The following KCNN2 variants were observed in gnomAD, a reference collection of about 807,000 sequenced individuals.
The protein encoded by KCNN2 is potassium calcium-activated channel subfamily N member 2.
Under a neutral mutation model 55.5 loss-of-function variants are expected in KCNN2, and 24 were observed. That is an observed-to-expected ratio of 0.43 (90% CI 0.31 to 0.61). KCNN2 has a LOEUF of 0.61. Ranked by LOEUF, KCNN2 falls within the 20% of genes least tolerant of loss-of-function variation. The probability of loss-of-function intolerance (pLI) is 0.08; values close to 1 mark genes in which losing one functional copy is unlikely to be tolerated. For synonymous variants in KCNN2, 431 were observed against 336.1 expected (o/e 1.28, Z -3.09); for missense variants, 754 against 853.6 (o/e 0.88, Z 1.45).
intron 2 of KCNN2, among the ~76,000 whole-genome samples, chr5:114,379,117 C>T (rs1367582615): frequency 1.3e-5 from 2 of 151,980 alleles, no homozygotes; most frequent in African/African-American, 4.8e-5. Flanking sequence ...CCTCTTAGAC[C>T]TCCTAGTGCT....
intron 1 of KCNN2, among the ~76,000 whole-genome samples, chr5:114,184,886 C>T (rs1226423691): frequency 6.6e-6 from 1 of 152,134 alleles, no homozygotes; most frequent in Non-Finnish European, 1.5e-5. Context: ...CAAATTTATT[C>T]TGTTTTTGTA....
At chr5:114,456,944 C>T (rs1357734115) in intron 3 of KCNN2, among the ~76,000 whole-genome samples, 5 of 152,158 alleles carry the variant, frequency 3.3e-5, no homozygotes, top group African/African-American at 1.2e-4. Context: ...GAGATGGAAT[C>T]TACTCCTGGA....
chr5:114,358,054 T>C (rs1438475762), upstream of KCNN2, among the ~76,000 whole-genome samples: 2 of 151,706 alleles, frequency 1.3e-5, no homozygotes, highest in Non-Finnish European at 2.9e-5. Flanking sequence ...TGGCCAGTGA[T>C]GATGAGCATT....
intron 2 of KCNN2, among the ~76,000 whole-genome samples, chr5:114,307,034 T>C (rs1433838385): frequency 6.6e-6 from 1 of 152,236 alleles, no homozygotes; most frequent in Non-Finnish European, 1.5e-5. Flanking sequence ...GATCATGTTT[T>C]GGTTCCCCTA....
At chr5:114,123,068 G>A (rs980748292) in intron 1 of KCNN2, among the ~76,000 whole-genome samples, 3 of 152,078 alleles carry the variant, frequency 2.0e-5, no homozygotes, top group Non-Finnish European at 2.9e-5. Context: ...ATATAAGGAC[G>A]GTAGAAAATG....
At chr5:114,443,196 C>T (rs1760281671) in intron 3 of KCNN2, among the ~76,000 whole-genome samples, 1 of 151,304 alleles carries the variant, frequency 6.6e-6, no homozygotes. Context: ...GAGGCTGAGG[C>T]AGAAGAATTG....
chr5:114,243,712 T>C (rs1252472862), intron 2 of KCNN2, among the ~76,000 whole-genome samples: 3 of 152,234 alleles, frequency 2.0e-5, no homozygotes, highest in South Asian at 2.1e-4. Context: ...ATCATAGGTA[T>C]GTATAGGAAA....
intron 2 of KCNN2, among the ~76,000 whole-genome samples, chr5:114,388,994 C>T (rs1488346033): frequency 6.6e-6 from 1 of 151,954 alleles, no homozygotes; most frequent in Non-Finnish European, 1.5e-5. Context: ...CAGTGATGTT[C>T]TCTGGTAATT....
rs578006791 is a variant in KCNN2, at chr5:114,265,933, G to T, written c.-185+44368G>T. On this transcript the variant is annotated intron_variant, in intron 2 of 10. Coordinates refer to the KCNN2 transcript ENST00000512097. ...TGGAGAGATTGGAGAAGACAGGGCT[G>T]ATCTCACCATCAATAGCCTCTAGAG... Among the ~76,000 whole-genome samples the T allele has an allele frequency of 2.9e-3, 443 of 152,224 alleles. 3 individuals carry two copies. Among genetic ancestry groups the T allele is most frequent in the Non-Finnish European group, 1.6e-3 (108 of 68,004 alleles).
intron 2 of KCNN2, among the ~76,000 whole-genome samples, chr5:114,345,449 A>G (rs1349521277): frequency 1.3e-5 from 2 of 152,222 alleles, no homozygotes; most frequent in Non-Finnish European, 2.9e-5. Context: ...TCATTGCACT[A>G]TTTCACAAAC....
chr5:114,193,947 A>C (rs1265747378), intron 1 of KCNN2, among the ~76,000 whole-genome samples: 1 of 152,168 alleles, frequency 6.6e-6, no homozygotes, highest in Non-Finnish European at 1.5e-5. Flanking sequence ...AATTATATCC[A>C]TAAGATTGTG....
At chr5:114,249,381 G>C (rs973404372) in intron 2 of KCNN2, among the ~76,000 whole-genome samples, 10 of 151,120 alleles carry the variant, frequency 6.6e-5, no homozygotes, top group African/African-American at 2.2e-4. Context: ...TCCACCTCTC[G>C]GGTTCAAGCC....
chr5:114,271,637 T>G (rs183288528), intron 2 of KCNN2, among the ~76,000 whole-genome samples: 2 of 152,320 alleles, frequency 1.3e-5, no homozygotes, highest in Admixed American at 1.3e-4. Context: ...TGTTTATGCT[T>G]TCTTCTTTTC....
At chr5:114,488,954 T>TCC (rs1561416721) in intron 6 of KCNN2, 3 of 152,130 alleles carry the variant, frequency 2.0e-5, no homozygotes, top group African/African-American at 7.2e-5. Flanking sequence ...AGTGAGCAAG[T>TCC]GTGGTCGGTC....
intron 1 of KCNN2, among the ~76,000 whole-genome samples, chr5:114,101,216 T>C (rs1374221611): frequency 6.6e-6 from 1 of 151,892 alleles, no homozygotes; most frequent in Non-Finnish European, 1.5e-5. Context: ...TGAGTAGTCA[T>C]AGAATTTTAG....
At chr5:114,263,258 G>T (rs563597131) in intron 2 of KCNN2, among the ~76,000 whole-genome samples, 3 of 152,268 alleles carry the variant, frequency 2.0e-5, no homozygotes, top group South Asian at 4.1e-4. Flanking sequence ...TCACCATCTC[G>T]TCTCAAGAAA....
intron 3 of KCNN2, among the ~76,000 whole-genome samples, chr5:114,431,421 A>G (rs1328188658): frequency 2.0e-5 from 3 of 152,008 alleles, no homozygotes; most frequent in East Asian, 3.9e-4. Context: ...ACCTTATGGA[A>G]TCAGCAGTGA....
At chr5:114,281,867 T>C (rs2150013236) in intron 2 of KCNN2, among the ~76,000 whole-genome samples, 1 of 152,222 alleles carries the variant, frequency 6.6e-6, no homozygotes, top group East Asian at 1.9e-4. Context: ...TTTTCTGTGT[T>C]TTTTTTCTAG....
At chr5:114,288,609 T>G (rs1031207467) in intron 2 of KCNN2, among the ~76,000 whole-genome samples, 1 of 152,166 alleles carries the variant, frequency 6.6e-6, no homozygotes, top group Non-Finnish European at 1.5e-5. Context: ...TTTGCATTTC[T>G]CTAGTGACTA....
Sources: gnomAD v4.1 joint callset for allele counts (sites outside exome capture counted in the v4.1 genomes callset) on GRCh38, gnomAD v4.1.1 for gene constraint, MANE v1.5 for transcripts, NCBI Gene and HGNC (gene_info 2026-07-23, HGNC 2026-07-21) for gene names.